SPOCK3: variants seen among roughly 807,000 people sequenced by gnomAD.
SPOCK3 encodes the protein SPARC (osteonectin), cwcv and kazal like domains proteoglycan 3.
A neutral mutation model predicts 56.6 loss-of-function variants in SPOCK3; 30 were observed. The observed-to-expected ratio is 0.53, with a 90% CI of 0.40 to 0.72. The LOEUF (loss-of-function observed/expected upper bound fraction) is 0.72, where lower values mean the gene tolerates loss of function less well. SPOCK3 is among the 30% of genes least tolerant of loss of function. The pLI is 0.00. For synonymous variants in SPOCK3, 196 were observed against 183.3 expected (o/e 1.07, Z -0.56); for missense variants, 527 against 530.0 (o/e 0.99, Z 0.06).
chr4:167,060,387 A>G (rs1327315040), intron 3 of SPOCK3, among the ~76,000 whole-genome samples: 3 of 152,020 alleles, frequency 2.0e-5, no homozygotes, highest in Non-Finnish European at 2.9e-5. Context: ...AGAAATGAAC[A>G]TATCTCATGT....
intron 3 of SPOCK3, among the ~76,000 whole-genome samples, chr4:167,041,671 C>T (rs907942733): frequency 5.3e-5 from 8 of 152,218 alleles, no homozygotes; most frequent in East Asian, 1.9e-4. Context: ...AAGTGAAACT[C>T]GGCTTTGCTA....
chr4:166,957,740 T>G (rs182743426), intron 4 of SPOCK3, among the ~76,000 whole-genome samples: 1 of 152,310 alleles, frequency 6.6e-6, no homozygotes, highest in East Asian at 1.9e-4. Flanking sequence ...CTGCGGTGTT[T>G]TGGACTTGCA....
chr4:167,091,181 G>C (rs1295364764), intron 2 of SPOCK3, among the ~76,000 whole-genome samples: 3 of 151,912 alleles, frequency 2.0e-5, no homozygotes, highest in Non-Finnish European at 4.4e-5. Context: ...GACCACCTTT[G>C]GGCTTAGACA....
intron 3 of SPOCK3, among the ~76,000 whole-genome samples, chr4:167,022,926 C>T (rs1195669218): frequency 6.6e-6 from 1 of 152,082 alleles, no homozygotes; most frequent in East Asian, 2.0e-4. Flanking sequence ...ACATAAATGC[C>T]ACTCAGAGAG....
chr4:167,056,073 C>T (rs1200304267), intron 3 of SPOCK3, among the ~76,000 whole-genome samples: 1 of 152,144 alleles, frequency 6.6e-6, no homozygotes, highest in Non-Finnish European at 1.5e-5. Context: ...CAGACTGACA[C>T]CTCACATGGA....
At chr4:167,219,572 C>T (rs1735699999) in intron 2 of SPOCK3, among the ~76,000 whole-genome samples, 1 of 152,124 alleles carries the variant, frequency 6.6e-6, no homozygotes, top group Non-Finnish European at 1.5e-5. Context: ...GTTCCTTTCT[C>T]ATTCCTGTTA....
chr4:167,094,082 G>A (rs559206210), intron 2 of SPOCK3, among the ~76,000 whole-genome samples: 1 of 152,060 alleles, frequency 6.6e-6, no homozygotes, highest in African/African-American at 2.4e-5. Context: ...ATATAAAATA[G>A]AGGTAAATTT....
At chr4:167,161,490 C>G (rs1765300114) in intron 2 of SPOCK3, among the ~76,000 whole-genome samples, 1 of 152,110 alleles carries the variant, frequency 6.6e-6, no homozygotes, top group African/African-American at 2.4e-5. Flanking sequence ...GGCAATTCCT[C>G]AGGGATCTAG....
chr4:166,872,365 A>G (rs529077094), intron 6 of SPOCK3, among the ~76,000 whole-genome samples: 1 of 152,290 alleles, frequency 6.6e-6, no homozygotes, highest in Non-Finnish European at 1.5e-5. Flanking sequence ...CTAATTTAGC[A>G]TCGTTGCAGG....
rs1765028926 is a variant in SPOCK3 at position 167,158,747 on chromosome 4, C to T, written c.189+75238G>A. Among the ~76,000 whole-genome samples the T allele has an allele frequency of 2.6e-5, 4 of 151,924 alleles. No homozygotes were observed. In the South Asian group the frequency reaches 8.3e-4, roughly 32 times the overall value. On this transcript the variant is annotated intron_variant, in intron 2 of 10. Coordinates refer to ENST00000357545, the MANE Select transcript of SPOCK3 (RefSeq NM_001040159.2). ...AAAATGGGTAACAAAATCAAATCCA[C>T]ACATATTATCTAAACTTTTTACCTG...
intron 6 of SPOCK3, among the ~76,000 whole-genome samples, chr4:166,831,904 T>G (rs934660262): frequency 6.6e-6 from 1 of 151,906 alleles, no homozygotes; most frequent in Admixed American, 6.6e-5. Context: ...TTGAGACTCA[T>G]CTGTTCATGC....
intron 7 of SPOCK3, among the ~76,000 whole-genome samples, chr4:166,777,986 G>A (rs1739756896): frequency 6.6e-6 from 1 of 152,168 alleles, no homozygotes; most frequent in African/African-American, 2.4e-5. Context: ...CCAGACCACA[G>A]TGTGCTTATT....
intron 6 of SPOCK3, among the ~76,000 whole-genome samples, chr4:166,813,613 T>C (rs951053775): frequency 6.6e-6 from 1 of 151,812 alleles, no homozygotes; most frequent in Non-Finnish European, 1.5e-5. Flanking sequence ...ATATACAATA[T>C]AATATTGTAA....
At chr4:166,908,846 A>G (rs1736927129) in intron 5 of SPOCK3, among the ~76,000 whole-genome samples, 1 of 152,124 alleles carries the variant, frequency 6.6e-6, no homozygotes, top group Non-Finnish European at 1.5e-5. Context: ...CCGCAGCTTG[A>G]CAATACAATC....
chr4:166,744,330 C>T (rs1735275671), intron 8 of SPOCK3, among the ~76,000 whole-genome samples: 2 of 152,106 alleles, frequency 1.3e-5, no homozygotes, highest in South Asian at 4.1e-4. Context: ...ACTGGTGATA[C>T]CCAGGCAAAC....
At position 166,752,756 on chromosome 4, in the gene SPOCK3, T is replaced by C. The variant is rs188313621; in HGVS notation, c.931+1752A>G. Among the ~76,000 whole-genome samples, 234 of 152,106 alleles carry C rather than the reference T, an allele frequency of 1.5e-3. 1 individual carries two copies. The highest frequency in any genetic ancestry group is 2.7e-3 in the Non-Finnish European group (186 of 67,968). ...ACTAAAAGAATACATAAAAACAAAG[T>C]TGTATCGTATCACTAGCATGCCTTC... On this transcript the variant is annotated intron_variant, in intron 8 of 10. Transcript: ENST00000357545.
chr4:166,978,147 T>C (rs1317457591), intron 4 of SPOCK3, among the ~76,000 whole-genome samples: 3 of 152,210 alleles, frequency 2.0e-5, no homozygotes, highest in Non-Finnish European at 1.5e-5. Context: ...ATTATTAGGA[T>C]TGGCAATTTC....
intron 9 of SPOCK3, among the ~76,000 whole-genome samples, chr4:166,741,290 C>T (rs1451192581): frequency 3.3e-5 from 5 of 152,106 alleles, no homozygotes; most frequent in Admixed American, 1.3e-4. Context: ...AATGTTTCAT[C>T]GTTATTTGGC....
intron 6 of SPOCK3, among the ~76,000 whole-genome samples, chr4:166,815,296 A>G (rs1481549142): frequency 6.6e-6 from 1 of 150,392 alleles, no homozygotes. Flanking sequence ...TGACCACAAA[A>G]CTGTATAATT....
Sources: gnomAD v4.1 joint callset for allele counts (sites outside exome capture counted in the v4.1 genomes callset) on GRCh38, gnomAD v4.1.1 for gene constraint, MANE v1.5 for transcripts, NCBI Gene and HGNC (gene_info 2026-07-23, HGNC 2026-07-21) for gene names.